The following FLACC1 variants were observed in gnomAD, a reference collection of about 807,000 sequenced individuals.
FLACC1 encodes flagellum-associated coiled-coil domain-containing protein 1.
A neutral mutation model predicts 62.8 loss-of-function variants in FLACC1; 66 were observed. That is an observed-to-expected ratio of 1.05 (90% CI 0.86 to 1.29). The LOEUF (loss-of-function observed/expected upper bound fraction) is 1.29. FLACC1 is among the 50% of genes most tolerant of loss of function. The probability of loss-of-function intolerance (pLI) is 0.00; values close to 1 mark genes in which losing one functional copy is unlikely to be tolerated. For synonymous variants in FLACC1, 156 were observed against 161.0 expected (o/e 0.97, Z 0.24); for missense variants, 452 against 489.1 (o/e 0.92, Z 0.71).
chr2:201,289,811 A>T (rs201649282), intron 12 of FLACC1, 26 bp from the exon 13 acceptor site: 2 of 1,614,194 alleles, frequency 1.2e-6, no homozygotes, highest in East Asian at 2.2e-5. Context: ...CTGTTGCAGG[A>T]CATCATGCCA....
chr2:201,304,377 AT>A (rs1950056197), intron 11 of FLACC1, among the ~76,000 whole-genome samples: 2 of 152,140 alleles, frequency 1.3e-5, no homozygotes, highest in Admixed American at 1.3e-4. Flanking sequence ...CTTACAAGGG[AT>A]GTGAAGGACC....
chr2:201,332,649 T>G (rs1251751991), intron 7 of FLACC1, among the ~76,000 whole-genome samples: 1 of 152,198 alleles, frequency 6.6e-6, no homozygotes, highest in Non-Finnish European at 1.5e-5. Flanking sequence ...GCAATAGATC[T>G]AAGAAAATCC....
intron 9 of FLACC1, among the ~76,000 whole-genome samples, chr2:201,319,998 C>A (rs1950373380): frequency 6.6e-6 from 1 of 152,192 alleles, no homozygotes; most frequent in African/African-American, 2.4e-5. Context: ...TACACACCCC[C>A]ACTGTGGACC....
In FLACC1 at chr2:201,336,007, G is replaced by A. The variant is rs76076953; in HGVS notation, c.525-5174C>T. On this transcript the variant is annotated intron_variant, in intron 7 of 14. Transcript: ENST00000392257. ...ATACTACTAATTTTTTTCTTTTTCC[G>A]TTTTTATTTTAGGTTTAGGGGTACA... is the stretch of plus-strand genomic sequence containing the variant. 5.9e-3 allele frequency among the ~76,000 whole-genome samples: 887 copies of A among 151,322 alleles called. 6 individuals are homozygous for A. The highest frequency in any genetic ancestry group is 0.016 in the African/African-American group (670 of 41,236).
At chr2:201,317,502 A>G (rs1950328225) in intron 9 of FLACC1, among the ~76,000 whole-genome samples, 1 of 152,216 alleles carries the variant, frequency 6.6e-6, no homozygotes, top group Admixed American at 6.5e-5. Context: ...AAGGAGTTGT[A>G]AGACCTGTAC....
chr2:201,344,441 G>T (rs1048008371), intron 5 of FLACC1, among the ~76,000 whole-genome samples, 178 bp from the exon 6 acceptor site: 3 of 152,174 alleles, frequency 2.0e-5, no homozygotes, highest in Non-Finnish European at 2.9e-5. Flanking sequence ...CTTACAGAAG[G>T]CATTTGGCTA....
chr2:201,298,436 G>T (rs1011919990), intron 12 of FLACC1, among the ~76,000 whole-genome samples: 1 of 152,028 alleles, frequency 6.6e-6, no homozygotes, highest in African/African-American at 2.4e-5. Flanking sequence ...ATGCAAACAA[G>T]GAAATATGAC....
intron 12 of FLACC1, among the ~76,000 whole-genome samples, chr2:201,291,293 C>T (rs1189806928): frequency 1.3e-5 from 2 of 152,210 alleles, no homozygotes; most frequent in African/African-American, 4.8e-5. Context: ...GGCAGACTGA[C>T]ACATCACACG....
the FLACC1 span, among the ~76,000 whole-genome samples, chr2:201,364,192 A>G: frequency 9.2e-5 from 14 of 152,304 alleles, no homozygotes; most frequent in African/African-American, 3.1e-4. Flanking sequence ...AGAAGTGAAT[A>G]GGGTTATAGA....
chr2:201,350,930 A>C, intron 2 of FLACC1, 148 bp from the exon 3 acceptor site: 1 of 697,268 alleles, frequency 1.4e-6, no homozygotes, highest in Non-Finnish European at 2.4e-6. Context: ...GAGGCCTTTA[A>C]AACTCAGGCC....
chr2:201,331,811 T>C (rs180847773), intron 7 of FLACC1, among the ~76,000 whole-genome samples: 121 of 152,350 alleles, frequency 7.9e-4, no homozygotes, highest in African/African-American at 2.7e-3. Context: ...TCCAAACTCA[T>C]TGAATGTACA....
At chr2:201,303,133 A>T (rs1950022496) in intron 11 of FLACC1, among the ~76,000 whole-genome samples, 1 of 152,046 alleles carries the variant, frequency 6.6e-6, no homozygotes, top group African/African-American at 2.4e-5. Context: ...AAATCAATGA[A>T]TCCAGGAGCT....
intron 1 of FLACC1, chr2:201,351,787 T>C (rs751363562): frequency 5.5e-6 from 1 of 182,002 alleles, no homozygotes; most frequent in Non-Finnish European, 1.2e-5. Flanking sequence ...CTACTGAAAA[T>C]ACAAAAATTA....
chr2:201,357,700 C>T (rs1196641666), upstream of FLACC1, among the ~76,000 whole-genome samples: 1 of 152,134 alleles, frequency 6.6e-6, no homozygotes. Flanking sequence ...CTCACAGAAA[C>T]CTAAAACTCT....
chr2:201,351,012 T>A (rs1455373593), intron 2 of FLACC1, among the ~76,000 whole-genome samples: 1 of 152,200 alleles, frequency 6.6e-6, no homozygotes. Context: ...TTATCCCACA[T>A]GAAGGCGGCA....
intron 5 of FLACC1, 92 bp from the exon 6 acceptor site, chr2:201,344,355 G>T: frequency 1.8e-6 from 2 of 1,084,740 alleles, no homozygotes; most frequent in Non-Finnish European, 2.8e-6. Flanking sequence ...CATGGTGAGA[G>T]CTGGCCTGGT....
intron 7 of FLACC1, among the ~76,000 whole-genome samples, chr2:201,337,322 G>A (rs1253818827): frequency 6.6e-6 from 1 of 152,062 alleles, no homozygotes; most frequent in African/African-American, 2.4e-5. Context: ...TACATGATGA[G>A]AGATAGGGGT....
At chr2:201,350,925 C>G in intron 2 of FLACC1, 143 bp from the exon 3 acceptor site, 2 of 716,720 alleles carry the variant, frequency 2.8e-6, no homozygotes, top group South Asian at 3.9e-5. Context: ...AATCTGAGGC[C>G]TTTAAAACTC....
intron 7 of FLACC1, among the ~76,000 whole-genome samples, chr2:201,339,778 C>T (rs2125606605): frequency 6.6e-6 from 1 of 152,042 alleles, no homozygotes; most frequent in Non-Finnish European, 1.5e-5. Context: ...ATCTTTGGGC[C>T]CCAGGGTGGC....
Sources: allele counts gnomAD v4.1 joint callset (sites outside exome capture counted in the v4.1 genomes callset), GRCh38; gene constraint gnomAD v4.1.1; transcripts MANE v1.5; gene names NCBI Gene and HGNC (gene_info 2026-07-23, HGNC 2026-07-21).